WDR87: variants seen among roughly 807,000 people sequenced by gnomAD.
WDR87 encodes the protein WD repeat domain 87.
WDR87 carries 56 observed loss-of-function variants against 83.3 expected under a neutral mutation model. That is an observed-to-expected ratio of 0.67 (90% CI 0.54 to 0.84). The LOEUF (loss-of-function observed/expected upper bound fraction) is 0.84, where lower values mean the gene tolerates loss of function less well. WDR87 is among the 40% of genes least tolerant of loss of function. WDR87 has a pLI of 0.00. For missense variants in WDR87, 2,939 were observed against 3,431.9 expected (o/e 0.86, Z 3.59); for synonymous variants, 1,173 against 1,250.6 (o/e 0.94, Z 1.31).
Position 37,887,468 on chromosome 19 carries a change from C to G in WDR87, c.6203G>C (p.Ser2068Thr). 6.4e-7 allele frequency: 1 copy of G among 1,551,724 alleles called. No individual in the cohort carries two copies. The highest frequency in any genetic ancestry group is 8.7e-7 in the Non-Finnish European group (1 of 1,146,956). The change falls in exon 6 of 6, where the codon AGC (serine) becomes ACC (threonine). Residue 2068 changes from serine to threonine, a missense_variant. Coordinates refer to ENST00000447313, the MANE Select transcript of WDR87 (RefSeq NM_001291088.2). ...HEDRILAMEE[S>T]EIAKGKLEFT... ...TTCCAGTTTTCCTTTGGCAATTTCGCTTTCCTCCATGGCCAATATCCTGTC... is the reference window on the plus strand; with the variant it reads ...TTCCAGTTTTCCTTTGGCAATTTCGGTTTCCTCCATGGCCAATATCCTGTC...
At chr19:37,892,388 AAAG>A (rs1426692379) in intron 4 of WDR87, among the ~76,000 whole-genome samples, 187 bp downstream of exon 4, 2 of 152,210 alleles carry the variant, frequency 1.3e-5, no homozygotes, top group Non-Finnish European at 2.9e-5. Flanking sequence ...TGTCTCAAAA[AAAG>A]AAGGAAGAGG....
chr19:37,897,983 T>C (rs947305330), intron 2 of WDR87, among the ~76,000 whole-genome samples, 182 bp downstream of exon 2: 2 of 152,160 alleles, frequency 1.3e-5, no homozygotes, highest in Non-Finnish European at 2.9e-5. Context: ...TATCAAAATG[T>C]CCTTGCGAGA....
chr19:37,904,010 G>A (rs1236712501), intron 1 of WDR87, among the ~76,000 whole-genome samples: 5 of 151,824 alleles, frequency 3.3e-5, no homozygotes, highest in Non-Finnish European at 7.4e-5. Context: ...CCAGGTTCAC[G>A]CCGTTTTCCT....
intron 5 of WDR87, among the ~76,000 whole-genome samples, chr19:37,891,284 C>T (rs544743951): frequency 1.3e-5 from 2 of 152,164 alleles, no homozygotes; most frequent in African/African-American, 4.8e-5. Context: ...CCACCTCAGC[C>T]TCCCAAATAG....
At position 37,891,791 on chromosome 19, in the gene WDR87, T is replaced by C. The variant is rs1223283827; in HGVS notation, c.3155A>G (p.Asp1052Gly). 5 of 1,552,060 alleles carry C rather than the reference T, an allele frequency of 3.2e-6. No individual in the cohort carries two copies. The Admixed American group carries it at 7.8e-5, about 24-fold the overall frequency. Residue 1052 changes from aspartate (D) to glycine (G), a missense_variant, in exon 5 of 6, where the codon GAC (aspartate) becomes GGC (glycine). Around this residue, in one of 3 missense-constraint regions of WDR87, gnomAD observed 2,160 missense variants for 2,533.1 expected, o/e 0.85. Coordinates refer to ENST00000447313, the MANE Select transcript of WDR87 (RefSeq NM_001291088.2). ...TGTGGCCCGCATCCCCAGTAGATGG[T>C]CCAGGGGTTCCTCCCCGATCATCTG... ...QQQMIGEEPL[D>G]HLLGMRATDL...
Position 37,888,177 on chromosome 19 carries a change from C to T in WDR87, c.5494G>A (p.Glu1832Lys). Residue 1832 changes from glutamate to lysine, a missense_variant, in exon 6 of 6, where the codon GAG (glutamate) becomes AAG (lysine). This residue lies in a region of WDR87 where 2,160 missense variants were observed against 2,533.1 expected (regional missense o/e 0.85). Coordinates refer to ENST00000447313, the MANE Select transcript of WDR87 (RefSeq NM_001291088.2). ...KLAQHKEKMP[E>K]EEERLGRKRE... ...TTCCGTCCCAGTCTTTCCTCTTCCT[C>T]AGGCATTTTTTCCTTGTGCTGGGCC... is the stretch of plus-strand genomic sequence containing the variant. The T allele has an allele frequency of 6.4e-7, 1 of 1,552,152 alleles. No individual in the cohort carries two copies.
intron 5 of WDR87, 60 bp from the exon 6 acceptor site, chr19:37,890,336 C>A (rs1342601609): frequency 6.9e-6 from 10 of 1,453,282 alleles, no homozygotes; most frequent in Non-Finnish European, 6.3e-6. Flanking sequence ...TGAAACCCTT[C>A]CCAATATTAG....
chr19:37,901,779 T>C (rs1169716669), intron 1 of WDR87, among the ~76,000 whole-genome samples: 1 of 151,374 alleles, frequency 6.6e-6, no homozygotes, highest in African/African-American at 2.4e-5. Flanking sequence ...AGTAGTAGAG[T>C]CACAGTTCAC....
Position 37,886,750 on chromosome 19 carries a change from TTCCTCCTCCTCCTCCCTTTCC to T in WDR87, c.6900_6920del (p.Glu2301_Glu2307del). 3.0e-6 allele frequency: 4 copies of T among 1,316,904 alleles called. No homozygotes were observed. Among genetic ancestry groups the T allele is most frequent in the Middle Eastern group, 2.0e-4 (1 of 5,022 alleles). 81.6% of individuals were successfully genotyped at this position (1,316,904 alleles called of 1,614,324 possible). A position where few individuals can be genotyped will look rare whatever the true frequency, so the allele number is the denominator to read the frequency against. On this transcript the variant is annotated inframe_deletion, in exon 6 of 6. Transcript: ENST00000447313. ...CCTCCCCTTCCTCCTCCTCCTTCCT[TTCCTCCTCCTCCTCCCTTTCC>T]TCCTCCTCCTCCCTTTCCTCTTCTT...
Position 37,890,019 on chromosome 19 carries a change from T to G in WDR87, c.3652A>C (p.Arg1218=), listed in dbSNP as rs1417280139. The G allele has an allele frequency of 6.4e-7, 1 of 1,551,620 alleles. No individual in the cohort carries two copies. The highest frequency in any genetic ancestry group is 1.4e-5 in the African/African-American group (1 of 73,026). ...LKRLQKIRDK[R]DKKATAQKLK... is the part of the protein sequence containing the mutation. ...TTCTGAGCTGTTGCTTTCTTGTCTC[T>G]TTTGTCACGTATTTTCTGCAGCCTC... The change falls in exon 6 of 6, where the codon AGA becomes CGA. Residue 1218 remains arginine, a synonymous_variant. Transcript: ENST00000447313.
At position 37,888,159 on chromosome 19, in the gene WDR87, C is replaced by G; in HGVS notation, c.5512G>C (p.Gly1838Arg). Residue 1838 changes from glycine to arginine, a missense_variant, in exon 6 of 6, where the codon GGA (glycine) becomes CGA (arginine). By Grantham distance (125) the Gly-to-Arg change is moderately radical. This residue lies in a region of WDR87 where 2,160 missense variants were observed against 2,533.1 expected (regional missense o/e 0.85). Transcript: ENST00000447313. The stretch of plus-strand genomic sequence containing the variant: ...TCAATCAATTGCTCCCTTTTCCGTC[C>G]CAGTCTTTCCTCTTCCTCAGGCATT... ...EKMPEEEERL[G>R]RKREQLIEKK... The G allele has an allele frequency of 6.4e-7, 1 of 1,552,118 alleles. No homozygotes were observed. Among genetic ancestry groups the G allele is most frequent in the Admixed American group, 2.0e-5 (1 of 50,986 alleles).
chr19:37,885,266 A>T lies in WDR87; in HGVS notation c.8405T>A (p.Leu2802His). The T allele has an allele frequency of 6.5e-7, 1 of 1,529,132 alleles. No individual in the cohort carries two copies. Among genetic ancestry groups the T allele is most frequent in the Non-Finnish European group, 8.8e-7 (1 of 1,137,704 alleles). 94.7% of individuals were successfully genotyped at this position (1,529,132 alleles called of 1,614,324 possible). A position where few individuals can be genotyped will look rare whatever the true frequency, so the allele number is the denominator to read the frequency against. The change falls in exon 6 of 6, where the codon CTT (leucine) becomes CAT (histidine). Residue 2802 changes from leucine (L) to histidine (H), a missense_variant. Physicochemically the swap from Leu to His is moderately conservative, Grantham distance 99. Around this residue, in one of 3 missense-constraint regions of WDR87, gnomAD observed 2,160 missense variants for 2,533.1 expected, o/e 0.85. Transcript: ENST00000447313. ...QFYQLMDLYQ[L>H]KSPRIQKLLQ... ...CAGCTTCTGGATTCTGGGGGACTTA[A>T]GTTGGTACAGGTCCATGAGCTGGTA... is the stretch of plus-strand genomic sequence containing the variant.
In WDR87 at chr19:37,894,057, C is replaced by T. The variant is rs969483548; in HGVS notation, c.1646G>A (p.Arg549Gln). The T allele has an allele frequency of 3.9e-6, 6 of 1,552,034 alleles. No individual in the cohort carries two copies. The highest frequency in any genetic ancestry group is 1.4e-5 in the African/African-American group (1 of 73,150). The part of the protein sequence containing the change: ...AVLDGVKVQL[R>Q]PLASILSSCH... ...GCTGCTGAGAATGCTGGCGAGAGGC[C>T]GCAGTTGTACTTTGACCCCATCAAG... Residue 549 changes from arginine to glutamine, a missense_variant, in exon 4 of 6, where the codon CGG becomes CAG. By Grantham distance (43) the Arg-to-Gln change is conservative. Coordinates refer to ENST00000447313, the MANE Select transcript of WDR87 (RefSeq NM_001291088.2).
At chr19:37,900,560 CAA>C (rs58946958) in intron 1 of WDR87, among the ~76,000 whole-genome samples, 11 of 78,072 alleles carry the variant, frequency 1.4e-4, no homozygotes, top group East Asian at 4.2e-4. Flanking sequence ...GACTCCGTCT[CAA>C]AAAAAAAAAA....
In WDR87 at chr19:37,892,748, C is replaced by G; in HGVS notation, c.2955G>C (p.Lys985Asn). ...LIRELAWEGLKRLGMITHLFA... is the reference protein window; with the variant it reads ...LIRELAWEGLNRLGMITHLFA... ...AAAGATGAGTAATCATTCCTAGACG[C>G]TTCAGCCCTTCCCAAGCTAGTTCTC... Residue 985 changes from lysine (K) to asparagine (N), a missense_variant, in exon 4 of 6, where the codon AAG (lysine) becomes AAC (asparagine). Lys to Asn is a moderately conservative substitution (Grantham distance 94). Around this residue, in one of 3 missense-constraint regions of WDR87, gnomAD observed 2,160 missense variants for 2,533.1 expected, o/e 0.85. Transcript: ENST00000447313. 1 of 1,551,736 alleles carries G rather than the reference C, an allele frequency of 6.4e-7. No homozygotes were observed. The highest frequency in any genetic ancestry group is 8.7e-7 in the Non-Finnish European group (1 of 1,146,996).
In WDR87 at chr19:37,885,827, C is replaced by G; in HGVS notation, c.7844G>C (p.Arg2615Pro). Residue 2615 changes from arginine (R) to proline (P), a missense_variant, in exon 6 of 6, where the codon CGT becomes CCT. Transcript: ENST00000447313. ...HLAKHEAIVYRHRQALESQDT... is the reference protein window; with the variant it reads ...HLAKHEAIVYPHRQALESQDT... Reference sequence around the variant, plus strand: ...TTGTGACTCCAGGGCCTGTCTGTGACGGTACACAATGGCTTCATGTTTGGC... The same window carrying G: ...TTGTGACTCCAGGGCCTGTCTGTGAGGGTACACAATGGCTTCATGTTTGGC... The G allele has an allele frequency of 6.4e-7, 1 of 1,551,872 alleles. No homozygotes were observed. Among genetic ancestry groups the G allele is most frequent in the East Asian group, 2.4e-5 (1 of 40,922 alleles).
Position 37,884,842 on chromosome 19 carries a change from A to T in WDR87, c.*90T>A. On this transcript the variant is annotated 3_prime_UTR_variant, in exon 6 of 6. Transcript: ENST00000447313. ...AAACACCGTCTCAAAAAAAAAAAAA[A>T]GAGAGAGAGAGAGATGAAGGTCTAG... is the stretch of plus-strand genomic sequence containing the variant. 4.8e-6 allele frequency: 5 copies of T among 1,044,874 alleles called. No homozygotes were observed. Among genetic ancestry groups the T allele is most frequent in the Non-Finnish European group, 6.2e-6 (5 of 809,506 alleles). The allele number at this position is 1,044,874 out of a possible 1,614,324, so 64.7% of individuals were successfully genotyped here. A position where few individuals can be genotyped will look rare whatever the true frequency, so the allele number is the denominator to read the frequency against.
Position 37,887,303 on chromosome 19 carries a change from G to C in WDR87, c.6368C>G (p.Thr2123Ser), listed in dbSNP as rs150968055. The change falls in exon 6 of 6, where the codon ACC becomes AGC. Residue 2123 changes from threonine to serine, a missense_variant. Physicochemically the swap from Thr to Ser is moderately conservative, Grantham distance 58. Transcript: ENST00000447313. ...CTGTGTTAGTTTCCTTTCATCCCTGGTTAGTTTTTGAAGTGCCTTTAAGAT... is the reference window on the plus strand; with the variant it reads ...CTGTGTTAGTTTCCTTTCATCCCTGCTTAGTTTTTGAAGTGCCTTTAAGAT... ...NKILKALQKLTRDERKLTQEE... is the reference protein window; with the variant it reads ...NKILKALQKLSRDERKLTQEE... The C allele has an allele frequency of 6.4e-7, 1 of 1,551,260 alleles. No individual in the cohort carries two copies.
Position 37,887,566 on chromosome 19 carries a change from C to T in WDR87, c.6105G>A (p.Arg2035=). 1 of 1,551,846 alleles carries T rather than the reference C, an allele frequency of 6.4e-7. No individual in the cohort carries two copies. Among genetic ancestry groups the T allele is most frequent in the African/African-American group, 1.4e-5 (1 of 73,162 alleles). The part of the protein sequence containing the change: ...KGETPETSRQ[R]KMTQVEQELF... ...GTTCTTGTTCAACTTGAGTCATTTTCCTTTGTCTAGAAGTTTCTGGAGTCT... is the reference window on the plus strand; with the variant it reads ...GTTCTTGTTCAACTTGAGTCATTTTTCTTTGTCTAGAAGTTTCTGGAGTCT... The change falls in exon 6 of 6, where the codon AGG becomes AGA. Residue 2035 remains arginine, a synonymous_variant. Transcript: ENST00000447313.
Sources: allele counts gnomAD v4.1 joint callset (sites outside exome capture counted in the v4.1 genomes callset), GRCh38; gene constraint gnomAD v4.1.1; regional missense constraint gnomAD v4.1.1; transcripts MANE v1.5; gene names NCBI Gene and HGNC (gene_info 2026-07-23, HGNC 2026-07-21).